The following DYNC1I1 variants were observed in gnomAD, a reference collection of about 807,000 sequenced individuals.
DYNC1I1 encodes the protein dynein cytoplasmic 1 intermediate chain 1.
In DYNC1I1, 43 loss-of-function variants were observed where a neutral mutation model predicts 86.6. The observed-to-expected ratio is 0.50, with a 90% CI of 0.39 to 0.64. DYNC1I1 has a LOEUF of 0.64. DYNC1I1 is among the 30% of genes least tolerant of loss of function. The probability of loss-of-function intolerance (pLI) is 0.00; values close to 1 mark genes in which losing one functional copy is unlikely to be tolerated. For missense variants in DYNC1I1, 604 were observed against 788.8 expected (o/e 0.77, Z 2.81); for synonymous variants, 262 against 283.7 (o/e 0.92, Z 0.77).
chr7:95,797,622 G>A (rs1363669092), intron 1 of DYNC1I1, among the ~76,000 whole-genome samples: 2 of 152,186 alleles, frequency 1.3e-5, no homozygotes, highest in East Asian at 3.8e-4. Context: ...TAGACCAATG[G>A]ATTTTAATGT....
intron 10 of DYNC1I1, among the ~76,000 whole-genome samples, chr7:96,011,815 A>G (rs114924941): frequency 2.7e-3 from 417 of 152,310 alleles, no homozygotes; most frequent in African/African-American, 9.5e-3. Context: ...TATATGATAC[A>G]TTGGTATAAC....
At chr7:96,010,432 A>G (rs2115844476) in intron 10 of DYNC1I1, among the ~76,000 whole-genome samples, 1 of 152,320 alleles carries the variant, frequency 6.6e-6, no homozygotes, top group Admixed American at 6.5e-5. Flanking sequence ...CTGGTGAACC[A>G]CAGGTATTCC....
intron 1 of DYNC1I1, among the ~76,000 whole-genome samples, chr7:95,786,612 C>T (rs11982430): frequency 0.25 from 38,351 of 152,038 alleles, 5,019 homozygotes; most frequent in African/African-American, 0.3. Flanking sequence ...AATTTAGCAT[C>T]GTGGAGCCAA....
At chr7:96,006,213 T>C (rs1014727842) in intron 10 of DYNC1I1, among the ~76,000 whole-genome samples, 2 of 152,206 alleles carry the variant, frequency 1.3e-5, no homozygotes, top group African/African-American at 4.8e-5. Context: ...TTGTTTCATC[T>C]AATAATCAAT....
intron 3 of DYNC1I1, among the ~76,000 whole-genome samples, chr7:95,811,798 G>A (rs1265002084): frequency 6.6e-6 from 1 of 151,950 alleles, no homozygotes; most frequent in African/African-American, 2.4e-5. Context: ...TTTCTACTTA[G>A]TTGACATCTG....
At chr7:95,990,251 G>A (rs550988155) in intron 9 of DYNC1I1, among the ~76,000 whole-genome samples, 124 of 152,150 alleles carry the variant, frequency 8.1e-4, no homozygotes, top group South Asian at 6.2e-4. Context: ...CACATACCAC[G>A]TGACAGTTTT....
At chr7:95,803,606 G>A (rs539827639) in intron 1 of DYNC1I1, among the ~76,000 whole-genome samples, 1 of 152,296 alleles carries the variant, frequency 6.6e-6, no homozygotes, top group African/African-American at 2.4e-5. Flanking sequence ...CAAAAAAGTT[G>A]AGAATTTTTC....
At chr7:95,948,468 A>G (rs1275407311) in intron 6 of DYNC1I1, among the ~76,000 whole-genome samples, 4 of 152,146 alleles carry the variant, frequency 2.6e-5, no homozygotes, top group Non-Finnish European at 5.9e-5. Context: ...GGTCCCAAGA[A>G]CACATCCAGT....
At chr7:95,943,204 T>C (rs1196311035) in intron 6 of DYNC1I1, among the ~76,000 whole-genome samples, 1 of 151,598 alleles carries the variant, frequency 6.6e-6, no homozygotes, top group Non-Finnish European at 1.5e-5. Flanking sequence ...TGTACAAAAA[T>C]CACAAGCATT....
At chr7:95,808,175 T>G (rs1406438999) in intron 2 of DYNC1I1, among the ~76,000 whole-genome samples, 3 of 152,118 alleles carry the variant, frequency 2.0e-5, no homozygotes, top group African/African-American at 7.2e-5. Context: ...GATTTTCTAG[T>G]TTTGTGTTGT....
chr7:95,912,455 C>G (rs2116346649), intron 6 of DYNC1I1, among the ~76,000 whole-genome samples: 1 of 152,324 alleles, frequency 6.6e-6, no homozygotes, highest in Non-Finnish European at 1.5e-5. Flanking sequence ...CGTTTAATCT[C>G]TCTTGTTCAG....
intron 6 of DYNC1I1, among the ~76,000 whole-genome samples, chr7:95,904,630 TA>T (rs1791127089): frequency 3.2e-5 from 1 of 31,248 alleles, no homozygotes; most frequent in Non-Finnish European, 4.9e-5. Context: ...TGTGTATGTA[TA>T]TATATATATA....
At chr7:95,823,635 T>C (rs927544607) in intron 4 of DYNC1I1, among the ~76,000 whole-genome samples, 1 of 151,972 alleles carries the variant, frequency 6.6e-6, no homozygotes, top group Non-Finnish European at 1.5e-5. Flanking sequence ...GCTGTCATAG[T>C]TAAACATTCA....
intron 2 of DYNC1I1, among the ~76,000 whole-genome samples, chr7:95,807,326 C>G (rs1301854250): frequency 6.6e-6 from 1 of 152,072 alleles, no homozygotes; most frequent in Non-Finnish European, 1.5e-5. Context: ...AGGTCTAAGC[C>G]TTAGAGCCAG....
intron 6 of DYNC1I1, among the ~76,000 whole-genome samples, chr7:95,905,626 T>A (rs577866846): frequency 2.3e-4 from 35 of 152,206 alleles, no homozygotes; most frequent in African/African-American, 7.9e-4. Context: ...TTGCATGAGA[T>A]GTTCGCCAGG....
At chr7:95,892,063 G>GT (rs1211526716) in intron 6 of DYNC1I1, among the ~76,000 whole-genome samples, 2 of 152,062 alleles carry the variant, frequency 1.3e-5, no homozygotes, top group South Asian at 4.1e-4. Flanking sequence ...TGCCTCCCAG[G>GT]TTTAAGTGAT....
intron 14 of DYNC1I1, among the ~76,000 whole-genome samples, chr7:96,048,244 TAAG>T (rs2116087435): frequency 6.6e-6 from 1 of 151,868 alleles, no homozygotes; most frequent in East Asian, 1.9e-4. Context: ...TATGAGGTGA[TAAG>T]AAGAGTGCCA....
intron 6 of DYNC1I1, among the ~76,000 whole-genome samples, chr7:95,907,210 A>G (rs181885519): frequency 6.6e-6 from 1 of 152,108 alleles, no homozygotes; most frequent in African/African-American, 2.4e-5. Context: ...CAGTGGAAAA[A>G]TATTTGGATA....
intron 5 of DYNC1I1, among the ~76,000 whole-genome samples, chr7:95,857,421 C>T (rs78596642): frequency 1.3e-5 from 2 of 152,160 alleles, no homozygotes; most frequent in East Asian, 3.9e-4. Flanking sequence ...ATATGTTATT[C>T]TCTAAACAGG....
Sources: allele counts gnomAD v4.1 joint callset (sites outside exome capture counted in the v4.1 genomes callset), GRCh38; gene constraint gnomAD v4.1.1; transcripts MANE v1.5; gene names NCBI Gene and HGNC (gene_info 2026-07-23, HGNC 2026-07-21).